Variants in ZNF676 observed in about 807,000 individuals in gnomAD.
ZNF676 encodes zinc finger protein 676.
Under a neutral mutation model 6.0 loss-of-function variants are expected in ZNF676, and 4 were observed. The observed-to-expected ratio is 0.67, with a 90% CI of 0.33 to 1.53. The LOEUF (loss-of-function observed/expected upper bound fraction) is 1.53. Among genes scored for constraint, ZNF676 ranks in the 40% most tolerant of loss-of-function variants. The pLI is 0.06. For synonymous variants in ZNF676, 198 were observed against 223.1 expected, an observed-to-expected ratio of 0.89 and a Z score of 1.00; for missense variants, 644 against 679.7, an observed-to-expected ratio of 0.95 and a Z score of 0.58.
the ZNF676 span, among the ~76,000 whole-genome samples, chr19:22,246,175 A>G: frequency 4.1e-4 from 63 of 152,288 alleles, no homozygotes; most frequent in Non-Finnish European, 3.8e-4. Context: ...GTGATTAAAA[A>G]AAGAAAAAAA....
the ZNF676 span, among the ~76,000 whole-genome samples, chr19:22,228,214 A>G: frequency 3.3e-5 from 5 of 152,178 alleles, no homozygotes; most frequent in African/African-American, 1.2e-4. Context: ...ACAAATCAAT[A>G]AACGTAATCC....
chr19:22,189,668 T>G (rs1201845607), intron 2 of ZNF676, among the ~76,000 whole-genome samples: 1 of 151,580 alleles, frequency 6.6e-6, no homozygotes, highest in Non-Finnish European at 1.5e-5. Context: ...TTAAACAAAT[T>G]TACAAGAAAA....
the ZNF676 span, among the ~76,000 whole-genome samples, chr19:22,246,118 G>T: frequency 2.0e-5 from 3 of 151,952 alleles, no homozygotes; most frequent in Non-Finnish European, 4.4e-5. Flanking sequence ...CCCCACTTTT[G>T]GCAGGGCCAG....
chr19:22,191,562 A>G (rs2023906871), intron 2 of ZNF676, among the ~76,000 whole-genome samples: 1 of 152,134 alleles, frequency 6.6e-6, no homozygotes, highest in Non-Finnish European at 1.5e-5. Context: ...GTGACCTCAG[A>G]AATCCTCTCT....
At chr19:22,188,172 G>A (rs1568527982) in intron 2 of ZNF676, among the ~76,000 whole-genome samples, 1 of 152,092 alleles carries the variant, frequency 6.6e-6, no homozygotes, top group African/African-American at 2.4e-5. Context: ...CCAAGATCAA[G>A]TTGGCTTCAT....
chr19:22,181,129 G>T lies in ZNF676; in HGVS notation c.588C>A (p.Pro196=). Reference sequence around the variant, plus strand: ...CTTTGCCACATTCTTCACATTTGTAGGGTTTCTCTCCAGTATGAATACTCT... The same window carrying T: ...CTTTGCCACATTCTTCACATTTGTATGGTTTCTCTCCAGTATGAATACTCT... ...YYKSIHTGEK[P]YKCEECGKAF... The change falls in exon 3 of 3, where the codon CCC becomes CCA. Residue 196 remains proline, a synonymous_variant. Coordinates refer to ENST00000397121, the MANE Select transcript of ZNF676 (RefSeq NM_001001411.3). 1 of 1,613,776 alleles carries T rather than the reference G, an allele frequency of 6.2e-7. No individual in the cohort carries two copies. The highest frequency in any genetic ancestry group is 1.1e-5 in the South Asian group (1 of 91,074).
intron 1 of ZNF676, among the ~76,000 whole-genome samples, chr19:22,215,294 A>ATTCATG (rs909249487): frequency 6.6e-6 from 1 of 152,150 alleles, no homozygotes; most frequent in Non-Finnish European, 1.5e-5. Flanking sequence ...CTCACGGACC[A>ATTCATG]AAGCTCTTCC....
upstream of ZNF676, among the ~76,000 whole-genome samples, chr19:22,217,283 A>G (rs2024201877): frequency 6.6e-6 from 1 of 152,090 alleles, no homozygotes; most frequent in East Asian, 1.9e-4. Context: ...GCTCACCGCA[A>G]CCTCTGCCTC....
chr19:22,231,531 G>A, the ZNF676 span, among the ~76,000 whole-genome samples: 1 of 103,386 alleles, frequency 9.7e-6, no homozygotes, highest in East Asian at 2.6e-4. Context: ...CAAGATGGAT[G>A]TAGATATTCT....
the ZNF676 span, among the ~76,000 whole-genome samples, chr19:22,231,527 G>A: frequency 9.2e-6 from 1 of 108,754 alleles, no homozygotes; most frequent in Non-Finnish European, 1.9e-5. Flanking sequence ...GTGGCAAGAT[G>A]GATGTAGATA....
chr19:22,232,447 T>A, the ZNF676 span, among the ~76,000 whole-genome samples: 3 of 152,178 alleles, frequency 2.0e-5, no homozygotes, highest in African/African-American at 4.8e-5. Flanking sequence ...AATACAGGCA[T>A]GAGCCACCAC....
At chr19:22,241,163 T>C in the ZNF676 span, among the ~76,000 whole-genome samples, 1 of 152,016 alleles carries the variant, frequency 6.6e-6, no homozygotes, top group Non-Finnish European at 1.5e-5. Context: ...GGACCGAGGC[T>C]GGGAAGTCAA....
chr19:22,247,577 A>T, the ZNF676 span, among the ~76,000 whole-genome samples: 2 of 149,864 alleles, frequency 1.3e-5, no homozygotes, highest in Non-Finnish European at 3.0e-5. Flanking sequence ...AAAAAAAAAA[A>T]TTTAGGGGGT....
At chr19:22,200,410 C>T (rs1439917045), upstream of ZNF676, among the ~76,000 whole-genome samples, 1 of 151,564 alleles carries the variant, frequency 6.6e-6, no homozygotes. Flanking sequence ...GTTTTTTGCA[C>T]ATCTATTTAT....
the ZNF676 span, among the ~76,000 whole-genome samples, chr19:22,253,996 G>C: frequency 3.9e-5 from 6 of 152,088 alleles, no homozygotes; most frequent in Admixed American, 2.6e-4. Flanking sequence ...TCTTCTATTG[G>C]CTGGTTTGAG....
the ZNF676 span, among the ~76,000 whole-genome samples, chr19:22,229,200 A>G: frequency 6.6e-6 from 1 of 152,182 alleles, no homozygotes; most frequent in Admixed American, 6.5e-5. Context: ...AACACCACAC[A>G]TCTACAACCA....
At chr19:22,249,638 C>T in the ZNF676 span, among the ~76,000 whole-genome samples, 1 of 152,110 alleles carries the variant, frequency 6.6e-6, no homozygotes, top group African/African-American at 2.4e-5. Context: ...TCTCAAACTC[C>T]TGACCTCAGG....
At chr19:22,205,281 C>T (rs1302596815) in intron 1 of ZNF676, among the ~76,000 whole-genome samples, 1 of 152,138 alleles carries the variant, frequency 6.6e-6, no homozygotes, top group Non-Finnish European at 1.5e-5. Flanking sequence ...AGGACCTGAA[C>T]TCAACACCTG....
At chr19:22,239,842 C>A in the ZNF676 span, among the ~76,000 whole-genome samples, 2 of 152,156 alleles carry the variant, frequency 1.3e-5, no homozygotes, top group Non-Finnish European at 2.9e-5. Flanking sequence ...TTGGATGGTG[C>A]ACAGGCAGGT....
Sources: gnomAD v4.1 joint callset for allele counts (sites outside exome capture counted in the v4.1 genomes callset) on GRCh38, gnomAD v4.1.1 for gene constraint, MANE v1.5 for transcripts, NCBI Gene and HGNC (gene_info 2026-07-23, HGNC 2026-07-21) for gene names.